Variants in PPL observed in about 807,000 individuals in gnomAD.
The protein encoded by PPL is 190 kDa paraneoplastic pemphigus antigen.
A neutral mutation model predicts 194.4 loss-of-function variants in PPL; 198 were observed. That is an observed-to-expected ratio of 1.02 (90% CI 0.91 to 1.15). PPL has a LOEUF of 1.15. Among genes scored for constraint, PPL ranks in the 50% most tolerant of loss-of-function variants. The pLI is 0.00. For synonymous variants in PPL, 1,220 were observed against 972.4 expected (o/e 1.25, Z -4.74); for missense variants, 2,885 against 2,294.8 (o/e 1.26, Z -5.25).
At chr16:4,898,987 G>C in intron 8 of PPL, 26 bp downstream of exon 8, 2 of 1,599,652 alleles carry the variant, frequency 1.3e-6, no homozygotes, top group Non-Finnish European at 1.7e-6. Context: ...CCCTGGGGGA[G>C]GTGTCTGGTC....
chr16:4,890,448 G>T, intron 17 of PPL, 114 bp from the exon 18 acceptor site: 1 of 1,315,748 alleles, frequency 7.6e-7, no homozygotes, highest in Non-Finnish European at 1.0e-6. Flanking sequence ...AATACCCCAA[G>T]TATCTCCCAC....
intron 16 of PPL, 57 bp from the exon 17 acceptor site, chr16:4,890,978 G>A (rs1171980898): frequency 9.1e-6 from 13 of 1,430,788 alleles, no homozygotes; most frequent in South Asian, 4.3e-5. Flanking sequence ...AGAGCCAGGC[G>A]ATGACACCCA....
rs372903827 is a variant in PPL, at chr16:4,910,904, C to A, written c.108G>T (p.Lys36Asn). 6.2e-7 allele frequency: 1 copy of A among 1,613,710 alleles called. No homozygotes were observed. The highest frequency in any genetic ancestry group is 8.5e-7 in the Non-Finnish European group (1 of 1,180,034). Reference sequence around the variant, plus strand: ...TGTTCTTCTCCACCTGGTCGGCATTCTTCTGCAGCTGCTCGATCAGCTCCG... The same window carrying A: ...TGTTCTTCTCCACCTGGTCGGCATTATTCTGCAGCTGCTCGATCAGCTCCG... ...ELSELIEQLQKNADQVEKNIV... is the reference protein window; with the variant it reads ...ELSELIEQLQNNADQVEKNIV... Residue 36 changes from lysine to asparagine, a missense_variant, in exon 2 of 22, where the codon AAG becomes AAT. Transcript: ENST00000345988.
At position 4,890,172 on chromosome 16, in the gene PPL, C is replaced by G. The variant is rs769737530; in HGVS notation, c.2313+12G>C. ...CAGTGTGTGCCTGGGGCTGCGGAAA[C>G]GGCCATCTCACCTTCTGGTTCTTCA... is the stretch of plus-strand genomic sequence containing the variant. On this transcript the variant is annotated intron_variant, in intron 18 of 21. Coordinates refer to ENST00000345988, the MANE Select transcript of PPL (RefSeq NM_002705.5). The G allele has an allele frequency of 2.5e-6, 4 of 1,613,914 alleles. No homozygotes were observed. The highest frequency in any genetic ancestry group is 1.7e-6 in the Non-Finnish European group (2 of 1,180,020).
rs780831129 is a variant in PPL, at chr16:4,892,074, T to C, written c.1790A>G (p.Tyr597Cys). Residue 597 changes from tyrosine (Y) to cysteine (C), a missense_variant, in exon 15 of 22, where the codon TAC becomes TGC. Tyr to Cys is a radical substitution (Grantham distance 194). Transcript: ENST00000345988. ...RTRVEDTNRKYEHLLQLLDLA... is the reference protein window; with the variant it reads ...RTRVEDTNRKCEHLLQLLDLA... ...GTCCAGCAGCTGCAGGAGGTGCTCG[T>C]ATTTCCGGTTGGTGTCCTCCACCCG... 10 of 1,613,654 alleles carry C rather than the reference T, an allele frequency of 6.2e-6. No homozygotes were observed. Among genetic ancestry groups the C allele is most frequent in the Non-Finnish European group, 6.8e-6 (8 of 1,179,994 alleles).
chr16:4,895,267 C>A lies in PPL; in HGVS notation c.1236G>T (p.Gly412=), dbSNP rs2088402588. 1 of 1,602,582 alleles carries A rather than the reference C, an allele frequency of 6.2e-7. No individual in the cohort carries two copies. The highest frequency in any genetic ancestry group is 1.3e-5 in the African/African-American group (1 of 74,580). ...IPVEALCDFE[G]EQGLISRGYS... ...AGGAGCTGGCCCCACGCACCTGCTC[C>A]CCCTCAAAGTCACAGAGTGCCTCCA... The change falls in exon 11 of 22, where the codon GGG becomes GGT. Residue 412 remains glycine, a synonymous_variant. Coordinates refer to ENST00000345988, the MANE Select transcript of PPL (RefSeq NM_002705.5).
At chr16:4,915,761 A>C (rs539988021) in intron 1 of PPL, among the ~76,000 whole-genome samples, 4 of 152,316 alleles carry the variant, frequency 2.6e-5, no homozygotes, top group African/African-American at 9.6e-5. Flanking sequence ...CTCAATCTTC[A>C]TGACAACCCT....
At position 4,883,363 on chromosome 16, in the gene PPL, G is replaced by C; in HGVS notation, c.*21C>G. On this transcript the variant is annotated 3_prime_UTR_variant, in exon 22 of 22. Coordinates refer to ENST00000345988, the MANE Select transcript of PPL (RefSeq NM_002705.5). This position sits in a 1 kb window ranked among gnomAD's most constrained non-coding sequence, Gnocchi z 4.8. The stretch of plus-strand genomic sequence containing the variant: ...GGAGAGGGCCAGCGTCTGCCGTTAC[G>C]AAGAGTTGCAAGAGCTGTGCCTACT... 2 of 1,612,914 alleles carry C rather than the reference G, an allele frequency of 1.2e-6. No homozygotes were observed. The highest frequency in any genetic ancestry group is 3.5e-4 in the Middle Eastern group (2 of 5,776).
At chr16:4,908,178 A>G (rs559093082) in intron 2 of PPL, among the ~76,000 whole-genome samples, 186 of 150,484 alleles carry the variant, frequency 1.2e-3, no homozygotes, top group African/African-American at 3.6e-3. Context: ...AAAAAAAAAA[A>G]AAAGAAAGAA....
intron 1 of PPL, among the ~76,000 whole-genome samples, chr16:4,925,988 C>A (rs1205245258): frequency 6.6e-6 from 1 of 152,184 alleles, no homozygotes; most frequent in African/African-American, 2.4e-5. Flanking sequence ...TAAACGGAGA[C>A]TGAGTCATTC....
At chr16:4,910,051 G>A (rs373361344) in intron 2 of PPL, among the ~76,000 whole-genome samples, 20 of 152,214 alleles carry the variant, frequency 1.3e-4, no homozygotes, top group African/African-American at 4.8e-4. Flanking sequence ...CAATCGCACC[G>A]GGCTGGCGCT....
At chr16:4,922,222 T>A (rs1250227382) in intron 1 of PPL, among the ~76,000 whole-genome samples, 2 of 152,118 alleles carry the variant, frequency 1.3e-5, no homozygotes, top group East Asian at 3.9e-4. Context: ...AGCTGTAAAA[T>A]GAGAGTCATC....
intron 1 of PPL, among the ~76,000 whole-genome samples, chr16:4,936,690 C>G (rs2142441793): frequency 6.6e-6 from 1 of 152,304 alleles, no homozygotes; most frequent in East Asian, 1.9e-4. Flanking sequence ...GCCCTGTACC[C>G]CCAGCTCAGC....
At chr16:4,908,371 G>C (rs756125678) in intron 2 of PPL, among the ~76,000 whole-genome samples, 19 of 151,834 alleles carry the variant, frequency 1.3e-4, no homozygotes, top group Admixed American at 3.9e-4. Context: ...TACCTATTTT[G>C]AGTCAATACT....
At chr16:4,923,330 G>C (rs139302646) in intron 1 of PPL, among the ~76,000 whole-genome samples, 2 of 152,342 alleles carry the variant, frequency 1.3e-5, no homozygotes, top group African/African-American at 2.4e-5. Context: ...TTTTCTGAGA[G>C]CATTTGGGAG....
At chr16:4,896,222 CAG>C (rs373673625) in intron 9 of PPL, among the ~76,000 whole-genome samples, 80 of 152,328 alleles carry the variant, frequency 5.3e-4, no homozygotes, top group African/African-American at 1.7e-3. Flanking sequence ...GCGGCTCAGA[CAG>C]GGAATGAGGA....
chr16:4,902,466 C>G lies in PPL; in HGVS notation c.378G>C (p.Arg126Ser). ...NLRGKHKQIY[R>S]LAVKEVDPQV... ...GTGGATCCACTTCCTTCACCGCCAG[C>G]CTGTAGATCTGCTTGTGTTTCCCGC... Residue 126 changes from arginine (R) to serine (S), a missense_variant, in exon 4 of 22, where the codon AGG (arginine) becomes AGC (serine). Physicochemically the swap from Arg to Ser is moderately radical, Grantham distance 110. Coordinates refer to ENST00000345988, the MANE Select transcript of PPL (RefSeq NM_002705.5). This position sits in a 1 kb window ranked among gnomAD's most constrained non-coding sequence, Gnocchi z 4.0. The G allele has an allele frequency of 6.2e-7, 1 of 1,614,058 alleles. No homozygotes were observed. Among genetic ancestry groups the G allele is most frequent in the South Asian group, 1.1e-5 (1 of 91,040 alleles).
In PPL at chr16:4,891,690, G is replaced by A. The variant is rs2088321774; in HGVS notation, c.1968+121C>T. On this transcript the variant is annotated intron_variant, in intron 16 of 21. Coordinates refer to ENST00000345988, the MANE Select transcript of PPL (RefSeq NM_002705.5). ...CCTCCATTTGCAGTTCCCAATTTGG[G>A]CATTCCAAACCTGGGGAGACTGGAT... is the stretch of plus-strand genomic sequence containing the variant. 4 of 1,299,892 alleles carry A rather than the reference G, an allele frequency of 3.1e-6. No homozygotes were observed. The African/African-American group carries it at 6.0e-5, about 19-fold the overall frequency. The allele number at this position is 1,299,892 out of a possible 1,614,324, so 80.5% of individuals were successfully genotyped here. A position where few individuals can be genotyped will look rare whatever the true frequency, so the allele number is the denominator to read the frequency against.
intron 14 of PPL, chr16:4,892,957 T>C (rs2088347716): frequency 8.9e-6 from 4 of 448,476 alleles, no homozygotes; most frequent in East Asian, 3.5e-5. Context: ...CCACAGCCCA[T>C]GTGCCATGCC....
Sources: allele counts gnomAD v4.1 joint callset (sites outside exome capture counted in the v4.1 genomes callset), GRCh38; gene constraint gnomAD v4.1.1; non-coding constraint Gnocchi (gnomAD v3.1); transcripts MANE v1.5; gene names NCBI Gene and HGNC (gene_info 2026-07-23, HGNC 2026-07-21).